Variants in PTPN22 observed in about 807,000 individuals in gnomAD.
PTPN22 encodes tyrosine-protein phosphatase non-receptor type 22.
In PTPN22, 85 loss-of-function variants were observed where a neutral mutation model predicts 103.3. That is an observed-to-expected ratio of 0.82 (90% CI 0.69 to 0.99). The LOEUF is 0.99. Among genes scored for constraint, PTPN22 ranks in the 50% least tolerant of loss-of-function variants. PTPN22 has a pLI of 0.00. For missense variants in PTPN22, 865 were observed against 936.9 expected, an observed-to-expected ratio of 0.92 and a Z score of 1.00; for synonymous variants, 323 against 310.2, an observed-to-expected ratio of 1.04 and a Z score of -0.43.
intron 11 of PTPN22, among the ~76,000 whole-genome samples, chr1:113,842,268 G>A (rs12090627): frequency 0.02 from 3,104 of 152,142 alleles, 43 homozygotes; most frequent in African/African-American, 0.032. Context: ...TTTTTCCAAA[G>A]AGGATATACA....
intron 1 of PTPN22, among the ~76,000 whole-genome samples, chr1:113,860,993 G>T (rs1012044861): frequency 4.5e-4 from 69 of 152,028 alleles, no homozygotes; most frequent in Non-Finnish European, 1.9e-4. Context: ...TATTTGTTTA[G>T]CTGCCTTCAC....
chr1:113,837,757 T>A, exon 13 of PTPN22: 1 of 1,613,910 alleles, frequency 6.2e-7, no homozygotes. Context: ...AAGAGACATC[T>A]TAGAACTGGT....
At chr1:113,850,483 T>C (rs1186311707) in intron 10 of PTPN22, among the ~76,000 whole-genome samples, 6 of 152,214 alleles carry the variant, frequency 3.9e-5, no homozygotes, top group African/African-American at 1.2e-4. Context: ...GGGTATAGTT[T>C]TATTAAATTA....
intron 11 of PTPN22, among the ~76,000 whole-genome samples, chr1:113,847,883 T>C (rs955592215): frequency 1.3e-5 from 2 of 151,758 alleles, no homozygotes; most frequent in Non-Finnish European, 1.5e-5. Context: ...ATTACAGGAG[T>C]GAACCACTGC....
intron 11 of PTPN22, among the ~76,000 whole-genome samples, chr1:113,847,114 A>G (rs554014467): frequency 6.9e-6 from 1 of 143,980 alleles, no homozygotes; most frequent in South Asian, 2.2e-4. Context: ...TCAATTCATT[A>G]ATTCTTTTTT....
chr1:113,856,162 G>A (rs913173331), intron 7 of PTPN22, among the ~76,000 whole-genome samples: 3 of 152,098 alleles, frequency 2.0e-5, no homozygotes, highest in African/African-American at 7.2e-5. Flanking sequence ...CCACAGGCAT[G>A]CACCACCACG....
intron 1 of PTPN22, among the ~76,000 whole-genome samples, chr1:113,861,184 T>C (rs1199146255): frequency 6.6e-6 from 1 of 152,212 alleles, no homozygotes; most frequent in Admixed American, 6.5e-5. Flanking sequence ...AAACATCTTA[T>C]CTTAAGGTCA....
At chr1:113,835,016 T>C in intron 13 of PTPN22, 23 bp from the exon 14 acceptor site, 2 of 1,414,894 alleles carry the variant, frequency 1.4e-6, no homozygotes, top group Non-Finnish European at 9.6e-7. Flanking sequence ...TCAAAAATAT[T>C]GTAACAATTG....
At chr1:113,819,768 C>A (rs1661440814) in intron 19 of PTPN22, 114 bp from the exon 20 acceptor site, 4 of 561,142 alleles carry the variant, frequency 7.1e-6, no homozygotes, top group Non-Finnish European at 8.5e-6. Context: ...AAACATATCA[C>A]TGTCAAATGT....
At chr1:113,853,444 A>T (rs906803266) in intron 9 of PTPN22, among the ~76,000 whole-genome samples, 15 of 131,992 alleles carry the variant, frequency 1.1e-4, no homozygotes, top group Admixed American at 3.3e-4. Flanking sequence ...TCCACCTCCC[A>T]GGTTCAAGTG....
intron 10 of PTPN22, among the ~76,000 whole-genome samples, chr1:113,849,586 A>AT (rs199711488): frequency 1.5e-3 from 85 of 56,016 alleles, no homozygotes; most frequent in Admixed American, 4.6e-3. Flanking sequence ...TTATTTATTT[A>AT]TTTATTTATT....
chr1:113,870,844 C>T (rs1571497812), intron 1 of PTPN22, among the ~76,000 whole-genome samples: 1 of 152,198 alleles, frequency 6.6e-6, no homozygotes, highest in East Asian at 1.9e-4. Context: ...AAAAGCAAGG[C>T]TCGTATCTAC....
intron 9 of PTPN22, among the ~76,000 whole-genome samples, chr1:113,852,582 T>G (rs931894773): frequency 2.6e-5 from 4 of 152,218 alleles, no homozygotes. Context: ...TTTAGGACAG[T>G]GGTCCTCAAA....
chr1:113,854,164 C>T (rs1053010334), intron 9 of PTPN22, among the ~76,000 whole-genome samples: 4 of 152,068 alleles, frequency 2.6e-5, no homozygotes, highest in Non-Finnish European at 4.4e-5. Context: ...CTGTGCCCGG[C>T]CTAAATTTTC....
intron 20 of PTPN22, among the ~76,000 whole-genome samples, chr1:113,817,620 A>AT (rs952959757): frequency 2.6e-5 from 4 of 151,764 alleles, no homozygotes; most frequent in Admixed American, 6.6e-5. Flanking sequence ...AAAAAAAAAC[A>AT]TTTTTTTGTA....
chr1:113,842,638 C>A (rs1663658284), intron 11 of PTPN22, among the ~76,000 whole-genome samples: 1 of 151,994 alleles, frequency 6.6e-6, no homozygotes, highest in Non-Finnish European at 1.5e-5. Context: ...TGCGCCACTG[C>A]ACTCCAGCCT....
At position 113,831,379 on chromosome 1, in the gene PTPN22, TA is replaced by T. The variant is rs1209607064; in HGVS notation, c.2054-1351del. 6.6e-5 allele frequency among the ~76,000 whole-genome samples: 10 copies of T among 152,254 alleles called. No homozygotes were observed. The East Asian group carries it at 1.9e-3, about 29-fold the overall frequency. On this transcript the variant is annotated intron_variant, in intron 16 of 20. Transcript: ENST00000359785. ...CCCTAGAAGGAAACTCTGCACCCAT[TA>T]AGTCATCACTCCTTATTTTCCTCTT...
chr1:113,835,921 G>A (rs1283118867), intron 13 of PTPN22, among the ~76,000 whole-genome samples: 1 of 126,108 alleles, frequency 7.9e-6, no homozygotes, highest in South Asian at 2.8e-4. Flanking sequence ...TGAAAATAAG[G>A]GTATGTTTTT....
At chr1:113,861,397 T>C (rs1665580979) in intron 1 of PTPN22, among the ~76,000 whole-genome samples, 1 of 152,132 alleles carries the variant, frequency 6.6e-6, no homozygotes, top group Admixed American at 6.5e-5. Context: ...CCCGCCACCA[T>C]GCCTGGCCAA....
Sources: gnomAD v4.1 joint callset for allele counts (sites outside exome capture counted in the v4.1 genomes callset) on GRCh38, gnomAD v4.1.1 for gene constraint, MANE v1.5 for transcripts, NCBI Gene and HGNC (gene_info 2026-07-23, HGNC 2026-07-21) for gene names.